Variants in LY75 observed in about 807,000 individuals in gnomAD.
The protein encoded by LY75 is lymphocyte antigen 75.
In LY75, 185 loss-of-function variants were observed where a neutral mutation model predicts 231.7. That is an observed-to-expected ratio of 0.80 (90% CI 0.71 to 0.90). The LOEUF (loss-of-function observed/expected upper bound fraction) is 0.90, where lower values mean the gene tolerates loss of function less well. Ranked by LOEUF, LY75 falls within the 40% of genes least tolerant of loss-of-function variation. The pLI, the probability that LY75 is intolerant of heterozygous loss-of-function variation, is 0.00. For synonymous variants in LY75, 668 were observed against 689.0 expected (o/e 0.97, Z 0.48); for missense variants, 1,947 against 2,050.2 (o/e 0.95, Z 0.97).
In LY75 at chr2:159,819,775, T is replaced by A; in HGVS notation, c.4104A>T (p.Glu1368Asp). The part of the protein sequence containing the change: ...WDIQTFKVIE[E>D]AVYFHQHSIL... The stretch of plus-strand genomic sequence containing the variant: ...TGCTGTGCTGGTGAAAATAAACTGC[T>A]TCTTCAATAACTTTAAAGGTTTGAA... Residue 1368 changes from glutamate to aspartate, a missense_variant, in exon 29 of 35, where the codon GAA (glutamate) becomes GAT (aspartate). Glu to Asp is a conservative substitution (Grantham distance 45, BLOSUM62 2). Coordinates refer to ENST00000263636, the MANE Select transcript of LY75 (RefSeq NM_002349.4). 1 of 1,613,860 alleles carries A rather than the reference T, an allele frequency of 6.2e-7. No individual in the cohort carries two copies. The highest frequency in any genetic ancestry group is 8.5e-7 in the Non-Finnish European group (1 of 1,179,904).
At chr2:159,838,016 T>A (rs942679568) in intron 25 of LY75, among the ~76,000 whole-genome samples, 1 of 152,170 alleles carries the variant, frequency 6.6e-6, no homozygotes, top group Non-Finnish European at 1.5e-5. Flanking sequence ...ATGGCCACAC[T>A]CTGCACTTCA....
In LY75 at chr2:159,819,586, T is replaced by C. The variant is rs1008882175; in HGVS notation, c.4153+140A>G. 7.6e-6 allele frequency: 8 copies of C among 1,050,964 alleles called. No individual in the cohort carries two copies. The African/African-American group carries it at 1.1e-4, about 15-fold the overall frequency. The allele number at this position is 1,050,964 out of a possible 1,614,324, so 65.1% of individuals were successfully genotyped here. On this transcript the variant is annotated intron_variant, in intron 29 of 34. Transcript: ENST00000263636. ...TGACAGCAGGGCCCGTATCTTTTCCTTCCTCGATAACCTCTGTAACACCTC... is the reference window on the plus strand; with the variant it reads ...TGACAGCAGGGCCCGTATCTTTTCCCTCCTCGATAACCTCTGTAACACCTC...
Position 159,898,796 on chromosome 2 carries a change from G to A in LY75, c.358C>T (p.Arg120Trp), listed in dbSNP as rs772962006. ...CEHHSLYGAARYRLALKDGHG... is the reference protein window; with the variant it reads ...CEHHSLYGAAWYRLALKDGHG... ...CCATCCTTCAGAGCCAGCCGGTACC[G>A]GGCAGCTCCGTACAGAGAGTGGTGC... The change falls in exon 2 of 35, where the codon CGG becomes TGG. Residue 120 changes from arginine (R) to tryptophan (W), a missense_variant. Physicochemically the swap from Arg to Trp is moderately radical, Grantham distance 101. Transcript: ENST00000263636. 1.3e-5 allele frequency: 21 copies of A among 1,614,086 alleles called. No individual in the cohort carries two copies. The highest frequency in any genetic ancestry group is 3.3e-5 in the South Asian group (3 of 91,088).
At position 159,810,679 on chromosome 2, in the gene LY75, T is replaced by C. The variant is rs1560060651; in HGVS notation, c.4550-4A>G. On this transcript the variant is annotated splice_polypyrimidine_tract_variant and splice_region_variant and intron_variant, in intron 31 of 34. Coordinates refer to ENST00000263636, the MANE Select transcript of LY75 (RefSeq NM_002349.4). The stretch of plus-strand genomic sequence containing the variant: ...GTAAGACGGGACAGCTTTTTAGCTA[T>C]AAAAATGTTAGACACAGTTGTAACA... 1.2e-6 allele frequency: 2 copies of C among 1,606,168 alleles called. No individual in the cohort carries two copies. The highest frequency in any genetic ancestry group is 1.7e-6 in the Non-Finnish European group (2 of 1,178,026).
At chr2:159,840,670 CACAATAAAAAATG>C (rs1683995412) in intron 25 of LY75, 46 bp downstream of exon 25, 1 of 1,608,792 alleles carries the variant, frequency 6.2e-7, no homozygotes, top group African/African-American at 1.3e-5. Flanking sequence ...AGAAGCTATG[CACAATAAAAAATG>C]TCGCTTTCCA....
intron 21 of LY75, among the ~76,000 whole-genome samples, chr2:159,851,234 T>G (rs1043993635): frequency 3.3e-5 from 5 of 152,236 alleles, no homozygotes; most frequent in Non-Finnish European, 5.9e-5. Context: ...TACCCCTAGC[T>G]TTACTACAGA....
chr2:159,824,623 A>G (rs1683403702), intron 28 of LY75, among the ~76,000 whole-genome samples: 1 of 152,254 alleles, frequency 6.6e-6, no homozygotes, highest in Admixed American at 6.5e-5. Context: ...CCTAATAGCC[A>G]TCTACAGAAC....
At position 159,877,028 on chromosome 2, in the gene LY75, A is replaced by AAAAG. The variant is rs1553810530; in HGVS notation, c.1774+1295_1774+1296insCTTT. Among the ~76,000 whole-genome samples the AAAAG allele has an allele frequency of 9.1e-4, 107 of 117,114 alleles. No homozygotes were observed. In the Middle Eastern group the frequency reaches 0.035, roughly 38 times the overall value. The allele number at this position is 117,114 out of a possible 152,430, so 76.8% of individuals were successfully genotyped here. A position where few individuals can be genotyped will look rare whatever the true frequency, so the allele number is the denominator to read the frequency against. On this transcript the variant is annotated intron_variant, in intron 11 of 34. Transcript: ENST00000263636. ...CCATCTCAAAAAAAAAAAAAAAAAA[A>AAAAG]AAAAAAGAAAAAAGAAAAAGAAAAA...
chr2:159,835,440 G>C, intron 26 of LY75, 40 bp downstream of exon 26: 1 of 1,553,498 alleles, frequency 6.4e-7, no homozygotes, highest in Non-Finnish European at 8.7e-7. Context: ...TTATGGGACT[G>C]TTAATAATTT....
intron 1 of LY75, chr2:159,903,439 T>C (rs1686139264): frequency 6.6e-6 from 1 of 152,134 alleles, no homozygotes; most frequent in African/African-American, 2.4e-5. Flanking sequence ...AAGGATTCTT[T>C]TGGTAGTTCC....
chr2:159,877,028 A>AAAAAAAAAAAG (rs1553810533), intron 11 of LY75, among the ~76,000 whole-genome samples: 3 of 117,146 alleles, frequency 2.6e-5, no homozygotes, highest in Non-Finnish European at 3.6e-5. Context: ...AAAAAAAAAA[A>AAAAAAAAAAAG]AAAAAAGAAA....
chr2:159,833,425 T>C (rs946469191), intron 27 of LY75, among the ~76,000 whole-genome samples: 1 of 152,198 alleles, frequency 6.6e-6, no homozygotes, highest in Non-Finnish European at 1.5e-5. Context: ...CCCATTTCTT[T>C]TCCTTTTAAA....
intron 15 of LY75, among the ~76,000 whole-genome samples, chr2:159,859,217 A>T (rs892161192): frequency 1.3e-5 from 2 of 152,186 alleles, no homozygotes; most frequent in Non-Finnish European, 2.9e-5. Context: ...TGAAGTTTTC[A>T]CCTTTTCCTG....
intron 23 of LY75, among the ~76,000 whole-genome samples, chr2:159,843,279 T>TA (rs1414606637): frequency 6.6e-6 from 1 of 152,070 alleles, no homozygotes; most frequent in Non-Finnish European, 1.5e-5. Flanking sequence ...TCTGTTTTTG[T>TA]AAAAATGTAA....
chr2:159,863,368 G>A lies in LY75; in HGVS notation c.2199+1471C>T, dbSNP rs568032529. Reference sequence around the variant, plus strand: ...TTAGTTCTATTTTTAATTTTTTGAGGGACCTTCATAGTGTTTTCAATAATG... The same window carrying A: ...TTAGTTCTATTTTTAATTTTTTGAGAGACCTTCATAGTGTTTTCAATAATG... On this transcript the variant is annotated intron_variant, in intron 14 of 34. Transcript: ENST00000263636. Among the ~76,000 whole-genome samples the A allele has an allele frequency of 2.6e-5, 4 of 152,098 alleles. No homozygotes were observed. In the East Asian group the frequency reaches 5.8e-4, roughly 22 times the overall value.
intron 1 of LY75, chr2:159,903,070 A>G (rs1327825578): frequency 2.0e-5 from 3 of 152,392 alleles, no homozygotes; most frequent in East Asian, 3.9e-4. Context: ...AAACAAGGCC[A>G]CAAGTCTGCT....
intron 11 of LY75, 82 bp downstream of exon 11, chr2:159,878,242 A>C: frequency 5.3e-6 from 8 of 1,519,186 alleles, no homozygotes; most frequent in Non-Finnish European, 7.1e-6. Flanking sequence ...ACATTTCAAA[A>C]GTAAGTGAGG....
chr2:159,881,390 AG>A (rs1685432626), intron 7 of LY75, 150 bp from the exon 8 acceptor site: 1 of 976,074 alleles, frequency 1.0e-6, no homozygotes, highest in Admixed American at 3.1e-5. Flanking sequence ...TACGACAGGC[AG>A]GTTGGGTAAT....
At chr2:159,894,662 T>C (rs915547843) in intron 2 of LY75, among the ~76,000 whole-genome samples, 2 of 152,174 alleles carry the variant, frequency 1.3e-5, no homozygotes, top group Non-Finnish European at 2.9e-5. Context: ...GAAGAGCTGC[T>C]GAATTTCTGA....
Sources: allele counts gnomAD v4.1 joint callset (sites outside exome capture counted in the v4.1 genomes callset), GRCh38; gene constraint gnomAD v4.1.1; transcripts MANE v1.5; gene names NCBI Gene and HGNC (gene_info 2026-07-23, HGNC 2026-07-21).